The following DENND2B variants were observed in gnomAD, a reference collection of about 807,000 sequenced individuals.
DENND2B encodes the protein DENN domain-containing protein 2B.
Under a neutral mutation model 116.0 loss-of-function variants are expected in DENND2B, and 32 were observed. The ratio of observed to expected loss-of-function variants is 0.28; its 90% CI spans 0.21 to 0.37. The LOEUF is 0.37. Among genes scored for constraint, DENND2B ranks in the 10% least tolerant of loss-of-function variants. DENND2B has a pLI of 1.00. For synonymous variants in DENND2B, 588 were observed against 583.9 expected, an observed-to-expected ratio of 1.01 and a Z score of -0.10; for missense variants, 1,276 against 1,477.7, an observed-to-expected ratio of 0.86 and a Z score of 2.24.
At chr11:8,900,560 T>C (rs2064154580) in intron 1 of DENND2B, among the ~76,000 whole-genome samples, 1 of 151,404 alleles carries the variant, frequency 6.6e-6, no homozygotes. Context: ...ACTTGCGCCA[T>C]TGCAGTCCAG....
chr11:8,897,102 T>A lies in DENND2B; in HGVS notation c.-256+13719A>T, dbSNP rs11605724. Among the ~76,000 whole-genome samples, 1,111 of 150,456 alleles carry A rather than the reference T, an allele frequency of 7.4e-3. 7 individuals are homozygous for A. The highest frequency in any genetic ancestry group is 0.01 in the Non-Finnish European group (703 of 67,210). On this transcript the variant is annotated intron_variant, in intron 1 of 22. Transcript: ENST00000534127. The stretch of plus-strand genomic sequence containing the variant: ...AAAATACAAAAAAAATTTTTTTTTT[T>A]AAAAACTAGCCAGGTGTGGTGGTGC...
intron 1 of DENND2B, among the ~76,000 whole-genome samples, chr11:8,761,173 AG>A (rs2054558405): frequency 6.6e-6 from 1 of 152,204 alleles, no homozygotes; most frequent in African/African-American, 2.4e-5. Flanking sequence ...AATTGGAGTG[AG>A]GTCTTGTTAG....
chr11:8,901,101 C>G (rs1415542041), intron 1 of DENND2B, among the ~76,000 whole-genome samples: 2 of 151,804 alleles, frequency 1.3e-5, no homozygotes, highest in Admixed American at 6.6e-5. Context: ...ATTGATTTTT[C>G]TCTATTTTTC....
At chr11:8,798,965 T>C (rs1179851254) in intron 1 of DENND2B, among the ~76,000 whole-genome samples, 1 of 151,860 alleles carries the variant, frequency 6.6e-6, no homozygotes, top group Non-Finnish European at 1.5e-5. Flanking sequence ...GTAGCTGGGA[T>C]TACAGGCACC....
At chr11:8,838,135 T>C (rs751364655) in intron 4 of DENND2B, among the ~76,000 whole-genome samples, 2 of 152,224 alleles carry the variant, frequency 1.3e-5, no homozygotes, top group African/African-American at 4.8e-5. Flanking sequence ...TTTTATCTGT[T>C]TGGAGTCATC....
At chr11:8,695,782 A>G (rs1049110546) in intron 18 of DENND2B, 19 of 555,584 alleles carry the variant, frequency 3.4e-5, no homozygotes, top group African/African-American at 3.2e-4. Flanking sequence ...CACATTCCCA[A>G]GCTGCACTAG....
intron 4 of DENND2B, among the ~76,000 whole-genome samples, chr11:8,723,534 T>C (rs4370937): frequency 0.67 from 101,492 of 152,028 alleles, 36,032 homozygotes; most frequent in Admixed American, 0.78. Flanking sequence ...ACTCACTCAT[T>C]CGGGAGGACT....
rs200013947 is a variant in DENND2B, at chr11:8,736,813, AG to A, written c.81-5605del. ...GAGACACCAGAAGCCACATTATGGAAGGCCCCATGGGCCACTGATAAGACTT... is the reference window on the plus strand; with the variant it reads ...GAGACACCAGAAGCCACATTATGGAAGCCCCATGGGCCACTGATAAGACTT... On this transcript the variant is annotated intron_variant, in intron 2 of 19. Coordinates refer to ENST00000313726, the MANE Select transcript of DENND2B (RefSeq NM_213618.2). 9.3e-3 allele frequency among the ~76,000 whole-genome samples: 1,424 copies of A among 152,302 alleles called. 27 individuals are homozygous for A. The highest frequency in any genetic ancestry group is 0.032 in the African/African-American group (1,336 of 41,556).
chr11:8,824,981 G>A (rs1398566407), intron 4 of DENND2B, among the ~76,000 whole-genome samples: 1 of 151,758 alleles, frequency 6.6e-6, no homozygotes, highest in African/African-American at 2.4e-5. Flanking sequence ...TTACAGGCAT[G>A]AGCCACTGCA....
intron 4 of DENND2B, among the ~76,000 whole-genome samples, chr11:8,820,459 T>C (rs1021022256): frequency 6.6e-6 from 1 of 152,194 alleles, no homozygotes; most frequent in African/African-American, 2.4e-5. Flanking sequence ...TAAATGTCTG[T>C]TTCCAGCACT....
intron 1 of DENND2B, among the ~76,000 whole-genome samples, chr11:8,781,471 G>A (rs373990529): frequency 9.2e-5 from 14 of 152,056 alleles, no homozygotes; most frequent in African/African-American, 2.7e-4. Flanking sequence ...CCAAAGAAGG[G>A]GCAATACCAC....
chr11:8,904,032 A>G (rs966415638), intron 1 of DENND2B, among the ~76,000 whole-genome samples: 13 of 152,108 alleles, frequency 8.5e-5, no homozygotes, highest in Non-Finnish European at 1.8e-4. Flanking sequence ...TAAGAATAAT[A>G]CCAATTCTAC....
intron 4 of DENND2B, chr11:8,718,550 C>A: frequency 7.0e-7 from 1 of 1,423,474 alleles, no homozygotes; most frequent in Non-Finnish European, 9.2e-7. Context: ...GATGACTCTC[C>A]TACTGTAGTG....
intron 3 of DENND2B, among the ~76,000 whole-genome samples, chr11:8,840,750 G>A (rs893765821): frequency 6.6e-6 from 1 of 152,100 alleles, no homozygotes; most frequent in African/African-American, 2.4e-5. Context: ...AGGAAGCACT[G>A]GCAGACAGGT....
intron 1 of DENND2B, among the ~76,000 whole-genome samples, chr11:8,882,508 C>G (rs1416227432): frequency 1.3e-5 from 2 of 152,168 alleles, no homozygotes; most frequent in Non-Finnish European, 2.9e-5. Flanking sequence ...CATCTTTAAC[C>G]TCTAGCAAAT....
Position 8,798,204 on chromosome 11 carries a change from A to C in DENND2B, c.-26+12313T>G, listed in dbSNP as rs567106230. 2.6e-5 allele frequency among the ~76,000 whole-genome samples: 4 copies of C among 152,296 alleles called. No individual in the cohort carries two copies. In the East Asian group the frequency reaches 7.7e-4, roughly 29 times the overall value. ...CAAGCTCCATGACAACAAGGACTTC[A>C]ATGTCTTAGTTATCTCTACCTCCTC... is the stretch of plus-strand genomic sequence containing the variant. On this transcript the variant is annotated intron_variant, in intron 1 of 19. Coordinates refer to ENST00000313726, the MANE Select transcript of DENND2B (RefSeq NM_213618.2).
At chr11:8,851,996 T>C (rs1202188716) in intron 3 of DENND2B, among the ~76,000 whole-genome samples, 1 of 152,130 alleles carries the variant, frequency 6.6e-6, no homozygotes, top group Non-Finnish European at 1.5e-5. Flanking sequence ...AAGCCACCAG[T>C]AGAGGAGAAA....
At chr11:8,843,865 C>T (rs927475731) in intron 3 of DENND2B, among the ~76,000 whole-genome samples, 2 of 152,198 alleles carry the variant, frequency 1.3e-5, no homozygotes, top group African/African-American at 2.4e-5. Flanking sequence ...CAAGATGCCG[C>T]TCCCACGGCA....
At chr11:8,789,734 G>A (rs1017436633) in intron 1 of DENND2B, among the ~76,000 whole-genome samples, 2 of 150,532 alleles carry the variant, frequency 1.3e-5, no homozygotes, top group African/African-American at 4.9e-5. Flanking sequence ...GTCTAAAACT[G>A]AACTCCCAGC....
Sources: allele counts gnomAD v4.1 joint callset (sites outside exome capture counted in the v4.1 genomes callset), GRCh38; gene constraint gnomAD v4.1.1; transcripts MANE v1.5; gene names NCBI Gene and HGNC (gene_info 2026-07-23, HGNC 2026-07-21).